The following UVRAG variants were observed in gnomAD, a reference collection of about 807,000 sequenced individuals.
UVRAG encodes UV radiation resistance associated.
Under a neutral mutation model 78.0 loss-of-function variants are expected in UVRAG, and 19 were observed. The ratio of observed to expected loss-of-function variants is 0.24; its 90% confidence interval spans 0.17 to 0.36. The LOEUF is 0.36. Ranked by LOEUF, UVRAG falls within the 10% of genes least tolerant of loss-of-function variation. The pLI, the probability that UVRAG is intolerant of heterozygous loss-of-function variation, is 1.00. For missense variants in UVRAG, 740 were observed against 853.8 expected (o/e 0.87, Z 1.66); for synonymous variants, 323 against 324.6 (o/e 1.00, Z 0.05).
intron 6 of UVRAG, among the ~76,000 whole-genome samples, chr11:75,920,130 A>C (rs571214053): frequency 7.3e-5 from 10 of 136,446 alleles, no homozygotes; most frequent in Middle Eastern, 0.01. Flanking sequence ...AGTTCAAGCG[A>C]TTCTTCTGCC....
intron 2 of UVRAG, among the ~76,000 whole-genome samples, chr11:75,853,837 A>C (rs142938449): frequency 6.6e-6 from 1 of 151,566 alleles, no homozygotes; most frequent in African/African-American, 2.4e-5. Context: ...CAGTGGTGCA[A>C]TCTTGGCTCA....
At chr11:75,914,758 T>G (rs1033960630) in intron 6 of UVRAG, among the ~76,000 whole-genome samples, 1 of 151,878 alleles carries the variant, frequency 6.6e-6, no homozygotes, top group Non-Finnish European at 1.5e-5. Flanking sequence ...CCTCCCAAAG[T>G]GCTGGGATTA....
intron 12 of UVRAG, among the ~76,000 whole-genome samples, chr11:76,058,911 G>A (rs866230270): frequency 2.6e-4 from 39 of 152,346 alleles, no homozygotes; most frequent in Middle Eastern, 3.4e-3. Context: ...CGAGAAGTAA[G>A]TAAAGGCAGA....
chr11:75,920,999 G>A (rs1461629699), intron 6 of UVRAG, among the ~76,000 whole-genome samples: 1 of 152,078 alleles, frequency 6.6e-6, no homozygotes, highest in African/African-American at 2.4e-5. Context: ...GGTTTTTAAT[G>A]CGTGTTTGTT....
chr11:76,002,692 G>A (rs1949839272), intron 8 of UVRAG, among the ~76,000 whole-genome samples: 1 of 152,204 alleles, frequency 6.6e-6, no homozygotes. Flanking sequence ...AAAAAGTTAA[G>A]TTGTGTTCCT....
chr11:75,983,280 A>G (rs1949429524), intron 7 of UVRAG, 107 bp from the exon 8 acceptor site: 11 of 1,053,440 alleles, frequency 1.0e-5, no homozygotes, highest in Non-Finnish European at 1.4e-5. Flanking sequence ...TTTGATGAGT[A>G]TTAAAATGTT....
intron 6 of UVRAG, among the ~76,000 whole-genome samples, chr11:75,953,787 A>G (rs1394792443): frequency 2.0e-5 from 3 of 152,128 alleles, no homozygotes; most frequent in Admixed American, 2.0e-4. Context: ...AAAAATAGGA[A>G]TGCATCTCTT....
chr11:75,961,528 C>G lies in UVRAG; in HGVS notation c.678C>G (p.Leu226=). ...IGKEIEEKLR[L]TSTSNELKKK... is the part of the protein sequence containing the mutation. The stretch of plus-strand genomic sequence containing the variant: ...AGGAAATTGAAGAAAAACTAAGACT[C>G]ACATCTACAAGCAATGAACTGGTAG... The change falls in exon 7 of 15, where the codon CTC becomes CTG. Residue 226 remains leucine, a synonymous_variant. Coordinates refer to ENST00000356136, the MANE Select transcript of UVRAG (RefSeq NM_003369.4). The G allele has an allele frequency of 1.2e-6, 2 of 1,604,960 alleles. No homozygotes were observed. Among genetic ancestry groups the G allele is most frequent in the South Asian group, 2.3e-5 (2 of 88,784 alleles).
chr11:76,129,455 C>T (rs1401569982), intron 14 of UVRAG, among the ~76,000 whole-genome samples: 2 of 152,138 alleles, frequency 1.3e-5, no homozygotes, highest in African/African-American at 4.8e-5. Context: ...CCTTTTTTCT[C>T]TCACTTTATT....
rs749417004 is a variant in UVRAG at position 75,861,433 on chromosome 11, C to T, written c.236-313C>T. On this transcript the variant is annotated intron_variant, in intron 2 of 14. Coordinates refer to ENST00000356136, the MANE Select transcript of UVRAG (RefSeq NM_003369.4). Reference sequence around the variant, plus strand: ...ATGGAGTCAGTTGTGAGGGTGGAAGCGGGGAAGGAAGAAGGTTGGAGCTTT... The same window carrying T: ...ATGGAGTCAGTTGTGAGGGTGGAAGTGGGGAAGGAAGAAGGTTGGAGCTTT... Among the ~76,000 whole-genome samples the T allele has an allele frequency of 1.4e-4, 21 of 151,944 alleles. No individual in the cohort carries two copies. The East Asian group carries it at 1.5e-3, about 11-fold the overall frequency.
chr11:75,885,167 T>C (rs1045955504), intron 4 of UVRAG, among the ~76,000 whole-genome samples: 5 of 152,112 alleles, frequency 3.3e-5, no homozygotes, highest in East Asian at 1.9e-4. Flanking sequence ...TGTAGAAATA[T>C]ATATCTCTGT....
At chr11:76,125,289 A>G (rs570945648) in intron 14 of UVRAG, among the ~76,000 whole-genome samples, 1 of 152,314 alleles carries the variant, frequency 6.6e-6, no homozygotes, top group African/African-American at 2.4e-5. Flanking sequence ...AATAAGTGAA[A>G]AAGAAAGTTT....
chr11:75,925,766 A>C (rs1444572996), intron 6 of UVRAG, among the ~76,000 whole-genome samples: 2 of 152,242 alleles, frequency 1.3e-5, no homozygotes, highest in Non-Finnish European at 2.9e-5. Flanking sequence ...ATAGCATTTC[A>C]GTTAAATGCT....
chr11:75,919,966 T>A (rs955035452), intron 6 of UVRAG, among the ~76,000 whole-genome samples: 9 of 150,944 alleles, frequency 6.0e-5, no homozygotes, highest in Non-Finnish European at 1.2e-4. Flanking sequence ...CATAGAAGAT[T>A]TAGGAAGGTT....
rs1202438669 is a variant in UVRAG at position 76,141,516 on chromosome 11, A to G, written c.*103A>G. 1.0e-5 allele frequency: 12 copies of G among 1,143,160 alleles called. No homozygotes were observed. The highest frequency in any genetic ancestry group is 1.5e-5 in the Non-Finnish European group (12 of 816,498). 70.8% of individuals were successfully genotyped at this position (1,143,160 alleles called of 1,614,324 possible). A position where few individuals can be genotyped will look rare whatever the true frequency, so the allele number is the denominator to read the frequency against. On this transcript the variant is annotated 3_prime_UTR_variant, in exon 15 of 15. Transcript: ENST00000356136. ...TAATGATGACACAAAATGAATATTA[A>G]TGGAGGATATTCCTCGGAAAAACAG...
chr11:75,817,820 G>GA (rs1945290917), intron 1 of UVRAG, among the ~76,000 whole-genome samples: 3 of 150,948 alleles, frequency 2.0e-5, no homozygotes, highest in African/African-American at 4.9e-5. Context: ...GAGGTGGGGG[G>GA]ATCACTTGAG....
At chr11:76,085,530 G>T (rs925549236) in intron 13 of UVRAG, among the ~76,000 whole-genome samples, 1 of 152,188 alleles carries the variant, frequency 6.6e-6, no homozygotes, top group Non-Finnish European at 1.5e-5. Context: ...TTTGTATCAA[G>T]ACATTCTGGA....
At chr11:75,970,657 C>A (rs111510978) in intron 7 of UVRAG, among the ~76,000 whole-genome samples, 2 of 149,112 alleles carry the variant, frequency 1.3e-5, no homozygotes, top group African/African-American at 5.0e-5. Context: ...GGTGTGAACC[C>A]GGGAGGCAGA....
intron 3 of UVRAG, among the ~76,000 whole-genome samples, chr11:75,875,436 T>TAAA (rs1488013560): frequency 2.0e-5 from 3 of 152,182 alleles, no homozygotes; most frequent in Non-Finnish European, 2.9e-5. Flanking sequence ...TTTATCTTGC[T>TAAA]TAGGACCTGT....
Sources: gnomAD v4.1 joint callset for allele counts (sites outside exome capture counted in the v4.1 genomes callset) on GRCh38, gnomAD v4.1.1 for gene constraint, MANE v1.5 for transcripts, NCBI Gene and HGNC (gene_info 2026-07-23, HGNC 2026-07-21) for gene names.